SCAPER: variants seen among roughly 807,000 people sequenced by gnomAD.
The protein encoded by SCAPER is S phase cyclin A-associated protein in the endoplasmic reticulum.
In SCAPER, 98 loss-of-function variants were observed where a neutral mutation model predicts 182.2. The ratio of observed to expected loss-of-function variants is 0.54; its 90% CI spans 0.46 to 0.64. SCAPER has a LOEUF of 0.64. Ranked by LOEUF, SCAPER falls within the 30% of genes least tolerant of loss-of-function variation. The pLI is 0.00. For missense variants in SCAPER, 1,432 were observed against 1,690.0 expected (o/e 0.85, Z 2.68); for synonymous variants, 605 against 564.6 (o/e 1.07, Z -1.01).
At chr15:76,432,649 A>G (rs1328335881) in intron 26 of SCAPER, among the ~76,000 whole-genome samples, 2 of 152,254 alleles carry the variant, frequency 1.3e-5, no homozygotes, top group Non-Finnish European at 2.9e-5. Context: ...GAAATAAAAA[A>G]TTAACGAGGG....
chr15:76,388,262 C>T (rs1304577197), intron 27 of SCAPER, among the ~76,000 whole-genome samples: 2 of 152,090 alleles, frequency 1.3e-5, no homozygotes, highest in Non-Finnish European at 2.9e-5. Flanking sequence ...ACGGGAGACA[C>T]GTTACTAGAA....
At chr15:76,706,112 T>G (rs1230422590) in intron 17 of SCAPER, 128 bp from the exon 18 acceptor site, 1 of 559,608 alleles carries the variant, frequency 1.8e-6, no homozygotes, top group East Asian at 3.3e-5. Context: ...ATATTCTTCT[T>G]AAAGTGCCTA....
At chr15:76,474,083 T>A (rs890041195) in intron 24 of SCAPER, among the ~76,000 whole-genome samples, 1 of 152,140 alleles carries the variant, frequency 6.6e-6, no homozygotes, top group African/African-American at 2.4e-5. Context: ...AGTGTTGAGA[T>A]TACAGGCGTG....
chr15:76,788,806 C>A (rs867455001), intron 8 of SCAPER, among the ~76,000 whole-genome samples: 29 of 152,206 alleles, frequency 1.9e-4, no homozygotes, highest in African/African-American at 7.0e-4. Context: ...TTCCAATAAT[C>A]CAGCTTCAAC....
At chr15:76,703,628 T>C (rs2059085760) in intron 18 of SCAPER, among the ~76,000 whole-genome samples, 1 of 152,134 alleles carries the variant, frequency 6.6e-6, no homozygotes, top group Admixed American at 6.6e-5. Flanking sequence ...TCATCCTCCT[T>C]TCAAGATCCA....
chr15:76,893,010 T>C lies in SCAPER; in HGVS notation c.-59-9134A>G, dbSNP rs184992330. On this transcript the variant is annotated intron_variant, in intron 1 of 31. Coordinates refer to ENST00000563290, the MANE Select transcript of SCAPER (RefSeq NM_020843.4). ...GCAGCCATAAAAAAGGATGAGTTCA[T>C]GTCCTTTGCAGGTACATGGATAAAG... 8.1e-4 allele frequency among the ~76,000 whole-genome samples: 124 copies of C among 152,348 alleles called. 1 individual carries two copies. Among genetic ancestry groups the C allele is most frequent in the African/African-American group, 2.8e-3 (116 of 41,586 alleles).
rs189912672 is a variant in SCAPER, at chr15:76,781,885, G to A, written c.773-6768C>T. Among the ~76,000 whole-genome samples, 783 of 152,240 alleles carry A rather than the reference G, an allele frequency of 5.1e-3. 9 individuals carry two copies. The highest frequency in any genetic ancestry group is 6.8e-3 in the Middle Eastern group (2 of 294). ...GCCTGCCCTAAAAGAGCTCCTGAAGGAAGAACTAAACATGGAAAAGAACAA... is the reference window on the plus strand; with the variant it reads ...GCCTGCCCTAAAAGAGCTCCTGAAGAAAGAACTAAACATGGAAAAGAACAA... On this transcript the variant is annotated intron_variant, in intron 8 of 31. Transcript: ENST00000563290.
At chr15:76,357,989 C>T (rs2456036) in intron 29 of SCAPER, among the ~76,000 whole-genome samples, 147,954 of 152,302 alleles carry the variant, frequency 0.97, 72,002 homozygotes, top group South Asian at 1. Context: ...ATGGGTACAA[C>T]GTATACTATT....
chr15:76,774,759 A>G lies in SCAPER; in HGVS notation c.1035+96T>C, dbSNP rs115761797. ...CTATAGACCTGAAAATTTTCACAGTAAGTTAAAAAATGAAGTACAAAACTA... is the reference window on the plus strand; with the variant it reads ...CTATAGACCTGAAAATTTTCACAGTGAGTTAAAAAATGAAGTACAAAACTA... On this transcript the variant is annotated intron_variant, in intron 9 of 31. Coordinates refer to ENST00000563290, the MANE Select transcript of SCAPER (RefSeq NM_020843.4). 1.1e-3 allele frequency: 1,461 copies of G among 1,332,774 alleles called. 20 individuals carry two copies. The African/African-American group carries it at 0.018, about 16-fold the overall frequency. The allele number at this position is 1,332,774 out of a possible 1,614,324, so 82.6% of individuals were successfully genotyped here.
At chr15:76,451,771 T>C (rs887437003) in intron 25 of SCAPER, among the ~76,000 whole-genome samples, 3 of 152,184 alleles carry the variant, frequency 2.0e-5, no homozygotes, top group African/African-American at 7.2e-5. Context: ...ATGTCTGATA[T>C]TACTATTTTC....
intron 2 of SCAPER, among the ~76,000 whole-genome samples, chr15:76,881,182 G>A (rs1023399499): frequency 2.0e-5 from 3 of 152,262 alleles, no homozygotes; most frequent in African/African-American, 4.8e-5. Context: ...TGCAACCTCC[G>A]CCTCCTGGGT....
At chr15:76,511,843 ATGTGTGTG>A (rs1555461783) in intron 23 of SCAPER, among the ~76,000 whole-genome samples, 5 of 123,308 alleles carry the variant, frequency 4.1e-5, no homozygotes, top group African/African-American at 1.7e-4. Flanking sequence ...ATATATATAT[ATGTGTGTG>A]TGTGTGTGTG....
At chr15:76,718,533 C>T (rs921613907) in intron 17 of SCAPER, among the ~76,000 whole-genome samples, 13 of 151,834 alleles carry the variant, frequency 8.6e-5, no homozygotes, top group Admixed American at 3.9e-4. Flanking sequence ...CCCAGCTACT[C>T]GGGTGGCTGA....
At chr15:76,894,445 A>G (rs1474806063) in intron 1 of SCAPER, among the ~76,000 whole-genome samples, 2 of 152,300 alleles carry the variant, frequency 1.3e-5, no homozygotes, top group South Asian at 2.1e-4. Flanking sequence ...ATGAAAAGAA[A>G]AAAAGAGAAA....
In SCAPER at chr15:76,348,665, G is replaced by T; in HGVS notation, c.4171C>A (p.Arg1391=). ...TTCTCTTTTTTCAAGAAAAACTGTC[G>T]AGCTTCTTCCCAGGCCTGCTGAGGA... The part of the protein sequence containing the change: ...RFPQQAWEEA[R]QFFLKKEKK Residue 1391 remains arginine (R), a synonymous_variant, in exon 32 of 32, where the codon CGA becomes AGA. Coordinates refer to ENST00000563290, the MANE Select transcript of SCAPER (RefSeq NM_020843.4). 1.3e-6 allele frequency: 2 copies of T among 1,551,646 alleles called. No homozygotes were observed. The highest frequency in any genetic ancestry group is 1.2e-5 in the South Asian group (1 of 83,008).
At chr15:76,515,285 G>C (rs1225791225) in intron 23 of SCAPER, among the ~76,000 whole-genome samples, 2 of 152,228 alleles carry the variant, frequency 1.3e-5, no homozygotes, top group Non-Finnish European at 2.9e-5. Flanking sequence ...GTGAGTGAGA[G>C]AGGGTGAGTG....
intron 23 of SCAPER, among the ~76,000 whole-genome samples, chr15:76,566,315 G>C (rs1168060646): frequency 6.6e-6 from 1 of 152,146 alleles, no homozygotes; most frequent in African/African-American, 2.4e-5. Context: ...AATGTAAATT[G>C]TGATTTCACA....
rs71143333 is a variant in SCAPER, at chr15:76,488,714, C to CTTTTTTTTTTT, written c.2954+16134_2954+16144dup. On this transcript the variant is annotated intron_variant, in intron 24 of 31. Transcript: ENST00000563290. ...TTGCATCCTGATAACAGTACACTGC[C>CTTTTTTTTTTT]TTTTTTTTTTTTTTTTTTTTTTTTT... 4.4e-3 allele frequency among the ~76,000 whole-genome samples: 413 copies of CTTTTTTTTTTT among 93,070 alleles called. 58 individuals are homozygous for CTTTTTTTTTTT. Among genetic ancestry groups the CTTTTTTTTTTT allele is most frequent in the African/African-American group, 0.014 (300 of 20,902 alleles). 61.1% of individuals were successfully genotyped at this position (93,070 alleles called of 152,430 possible). A position where few individuals can be genotyped will look rare whatever the true frequency, so the allele number is the denominator to read the frequency against.
At chr15:76,643,428 T>C (rs2054262293) in intron 21 of SCAPER, among the ~76,000 whole-genome samples, 1 of 152,136 alleles carries the variant, frequency 6.6e-6, no homozygotes, top group Admixed American at 6.5e-5. Flanking sequence ...ACGCCTGTAA[T>C]CCCAGCACTT....
Sources: gnomAD v4.1 joint callset for allele counts (sites outside exome capture counted in the v4.1 genomes callset) on GRCh38, gnomAD v4.1.1 for gene constraint, MANE v1.5 for transcripts, NCBI Gene and HGNC (gene_info 2026-07-23, HGNC 2026-07-21) for gene names.